Variants in NBR1 observed in about 807,000 individuals in gnomAD.
NBR1 encodes NBR1 autophagy cargo receptor.
A neutral mutation model predicts 115.5 loss-of-function variants in NBR1; 59 were observed. That is an observed-to-expected ratio of 0.51 (90% confidence interval 0.41 to 0.63). The LOEUF is 0.63. NBR1 is among the 30% of genes least tolerant of loss of function. The pLI is 0.00. For synonymous variants in NBR1, 373 were observed against 414.7 expected (o/e 0.90, Z 1.22); for missense variants, 1,043 against 1,150.5 (o/e 0.91, Z 1.35).
In NBR1 at chr17:43,189,700, C is replaced by G. The variant is rs1007192054; in HGVS notation, c.593C>G (p.Pro198Arg). The G allele has an allele frequency of 6.8e-6, 11 of 1,613,902 alleles. No homozygotes were observed. Among genetic ancestry groups the G allele is most frequent in the Non-Finnish European group, 9.3e-6 (11 of 1,179,782 alleles). ...LGSCPSEVSM[P>R]TSEETLFLPE... ...TCTTGTCCCTCAGAAGTCTCAATGC[C>G]TACTTCAGAAGAAACATTGTTTTTG... The change falls in exon 8 of 21, where the codon CCT becomes CGT. Residue 198 changes from proline to arginine, a missense_variant. Transcript: ENST00000590996.
Position 43,210,155 on chromosome 17 carries a change from TG to T in NBR1, c.*82del. 7.3e-7 allele frequency: 1 copy of T among 1,362,680 alleles called. No individual in the cohort carries two copies. The highest frequency in any genetic ancestry group is 1.0e-6 in the Non-Finnish European group (1 of 1,003,634). 84.4% of individuals were successfully genotyped at this position (1,362,680 alleles called of 1,614,324 possible). A position where few individuals can be genotyped will look rare whatever the true frequency, so the allele number is the denominator to read the frequency against. ...CATTGGGGTATGGGATAGAAGCCCTTGCTTATTTTTAATCTGATGAATCTGT... is the reference window on the plus strand; with the variant it reads ...CATTGGGGTATGGGATAGAAGCCCTTCTTATTTTTAATCTGATGAATCTGT... On this transcript the variant is annotated 3_prime_UTR_variant, in exon 21 of 21. Coordinates refer to ENST00000590996, the MANE Select transcript of NBR1 (RefSeq NM_005899.5).
chr17:43,192,605 GT>G (rs976499568), intron 10 of NBR1, among the ~76,000 whole-genome samples: 5 of 151,662 alleles, frequency 3.3e-5, no homozygotes, highest in Non-Finnish European at 7.4e-5. Context: ...TCCTGACCTC[GT>G]GATCTATCTG....
At chr17:43,187,402 G>A (rs1035591661) in intron 6 of NBR1, among the ~76,000 whole-genome samples, 4 of 151,516 alleles carry the variant, frequency 2.6e-5, no homozygotes, top group Non-Finnish European at 4.4e-5. Flanking sequence ...GGATGGTCTC[G>A]ATCTCCTGAC....
rs774169470 is a variant in NBR1 at position 43,201,798 on chromosome 17, CTT to C, written c.2563+22_2563+23del. The C allele has an allele frequency of 8.0e-7, 1 of 1,253,686 alleles. No homozygotes were observed. The highest frequency in any genetic ancestry group is 1.2e-6 in the Non-Finnish European group (1 of 854,806). 77.7% of individuals were successfully genotyped at this position (1,253,686 alleles called of 1,614,324 possible). On this transcript the variant is annotated intron_variant, in intron 18 of 20. Transcript: ENST00000590996. ...CAGAGGAGGTAATGATCAGCCTAAG[CTT>C]TTTCTCTTTTTCTCTGCTCCTGTCT...
intron 18 of NBR1, among the ~76,000 whole-genome samples, chr17:43,202,179 G>GA (rs66915634): frequency 0.57 from 66,906 of 117,912 alleles, 20,213 homozygotes; most frequent in Non-Finnish European, 0.66. Flanking sequence ...GACTCCGTCT[G>GA]AAAAAAAAAA....
At chr17:43,203,819 A>C in intron 20 of NBR1, 33 bp downstream of exon 20, 503 of 1,328,920 alleles carry the variant, frequency 3.8e-4, no homozygotes, top group Non-Finnish European at 4.7e-4. Context: ...CCTGAATCTC[A>C]ACTCCATGTC....
Position 43,186,398 on chromosome 17 carries a change from G to C in NBR1, c.356G>C (p.Arg119Thr). The C allele has an allele frequency of 6.2e-7, 1 of 1,600,450 alleles. No homozygotes were observed. Among genetic ancestry groups the C allele is most frequent in the Non-Finnish European group, 8.5e-7 (1 of 1,174,456 alleles). ...KPLAHYSSLVRVLGSDMKTPE... is the reference protein window; with the variant it reads ...KPLAHYSSLVTVLGSDMKTPE... The stretch of plus-strand genomic sequence containing the variant: ...CTTGCACATTACTCTTCACTGGTGA[G>C]AGTCTTGGGATCAGACATGAAGACC... The change falls in exon 6 of 21, where the codon AGA (arginine) becomes ACA (threonine). Residue 119 changes from arginine to threonine, a missense_variant. Coordinates refer to ENST00000590996, the MANE Select transcript of NBR1 (RefSeq NM_005899.5).
rs529431994 is a variant in NBR1, at chr17:43,180,297, G to C, written c.185-498G>C. Among the ~76,000 whole-genome samples the C allele has an allele frequency of 2.2e-3, 328 of 152,234 alleles. 1 individual carries two copies. Among genetic ancestry groups the C allele is most frequent in the South Asian group, 0.012 (56 of 4,822 alleles). On this transcript the variant is annotated intron_variant, in intron 4 of 20. Transcript: ENST00000590996. Reference sequence around the variant, plus strand: ...AGCCTAGTACACACCTAGGATATATGGTATAACCTATTGCTTATAGGCTGC... The same window carrying C: ...AGCCTAGTACACACCTAGGATATATCGTATAACCTATTGCTTATAGGCTGC...
intron 14 of NBR1, chr17:43,196,037 C>G (rs2057059971): frequency 6.5e-6 from 1 of 152,702 alleles, no homozygotes; most frequent in African/African-American, 2.4e-5. Flanking sequence ...CAGAGAGTTG[C>G]TTGAACCTGG....
chr17:43,197,655 C>T (rs1157875119), intron 16 of NBR1, among the ~76,000 whole-genome samples: 1 of 152,184 alleles, frequency 6.6e-6, no homozygotes, highest in Non-Finnish European at 1.5e-5. Flanking sequence ...AGAATTACAG[C>T]TGCATTCCAC....
At chr17:43,203,903 T>C (rs1031111526) in intron 20 of NBR1, 117 bp downstream of exon 20, 22 of 545,934 alleles carry the variant, frequency 4.0e-5, no homozygotes, top group African/African-American at 1.7e-4. Context: ...GGCTTTAGAT[T>C]TAGTCTTTAG....
intron 16 of NBR1, among the ~76,000 whole-genome samples, chr17:43,197,961 G>A (rs1400368164): frequency 6.6e-6 from 1 of 152,024 alleles, no homozygotes; most frequent in Non-Finnish European, 1.5e-5. Flanking sequence ...AGACCAGCCT[G>A]ACCGACATGG....
At chr17:43,185,107 A>C (rs907131803) in intron 5 of NBR1, among the ~76,000 whole-genome samples, 2 of 152,062 alleles carry the variant, frequency 1.3e-5, no homozygotes, top group African/African-American at 2.4e-5. Flanking sequence ...AAAAAAAAAA[A>C]AACAGAAAAA....
chr17:43,199,026 A>G (rs769381136), intron 16 of NBR1, among the ~76,000 whole-genome samples: 2 of 152,158 alleles, frequency 1.3e-5, no homozygotes, highest in African/African-American at 4.8e-5. Flanking sequence ...ACATAACAAA[A>G]AGGTCTGGAA....
In NBR1 at chr17:43,197,102, G is replaced by A. The variant is rs549019297; in HGVS notation, c.2022G>A (p.Leu674=). Residue 674 remains leucine (L), a synonymous_variant, in exon 16 of 21, where the codon TTG becomes TTA. Coordinates refer to ENST00000590996, the MANE Select transcript of NBR1 (RefSeq NM_005899.5). ...ACCCTCCTTGCAGACAGAAGTCCTT[G>A]CAGAGTGAGTGTCCTTGCATTTCCC... ...DHNPPCRQKS[L]QMTFALPEGP... 16 of 1,613,794 alleles carry A rather than the reference G, an allele frequency of 9.9e-6. No individual in the cohort carries two copies. In the East Asian group the frequency reaches 2.7e-4, roughly 27 times the overall value.
chr17:43,183,790 G>C (rs2056732986), intron 5 of NBR1, among the ~76,000 whole-genome samples: 1 of 151,942 alleles, frequency 6.6e-6, no homozygotes, highest in Non-Finnish European at 1.5e-5. Context: ...CACACTAATA[G>C]CTGGGATTAC....
chr17:43,187,262 G>C (rs1289348046), intron 6 of NBR1, among the ~76,000 whole-genome samples: 1 of 151,890 alleles, frequency 6.6e-6, no homozygotes, highest in Admixed American at 6.6e-5. Flanking sequence ...CTTATTGCAA[G>C]CTCTGCCTCC....
At position 43,190,718 on chromosome 17, in the gene NBR1, C is replaced by T. The variant is rs745788137; in HGVS notation, c.805C>T (p.Pro269Ser). ...LRRPVVGSSE[P>S]FCHSKYSTPR... Reference sequence around the variant, plus strand: ...GAGACCTGTTGTGGGCTCCTCTGAACCGTTCTGTCACTCAAAGTACTCTAC... The same window carrying T: ...GAGACCTGTTGTGGGCTCCTCTGAATCGTTCTGTCACTCAAAGTACTCTAC... The change falls in exon 9 of 21, where the codon CCG becomes TCG. Residue 269 changes from proline to serine, a missense_variant. Transcript: ENST00000590996. The T allele has an allele frequency of 5.5e-5, 88 of 1,613,804 alleles. No homozygotes were observed. Among genetic ancestry groups the T allele is most frequent in the Non-Finnish European group, 6.8e-5 (80 of 1,179,844 alleles).
In NBR1 at chr17:43,193,138, C is replaced by G; in HGVS notation, c.1118C>G (p.Ala373Gly). The G allele has an allele frequency of 6.2e-7, 1 of 1,613,942 alleles. No homozygotes were observed. The highest frequency in any genetic ancestry group is 8.5e-7 in the Non-Finnish European group (1 of 1,179,886). ...PCTSVMPMLS[A>G]AFVDENLPDG... ...ACCTCCGTTATGCCAATGCTCAGTGCAGCATTTGTGGATGAGAATTTGCCT... is the reference window on the plus strand; with the variant it reads ...ACCTCCGTTATGCCAATGCTCAGTGGAGCATTTGTGGATGAGAATTTGCCT... Residue 373 changes from alanine (A) to glycine (G), a missense_variant, in exon 11 of 21, where the codon GCA becomes GGA. Ala to Gly is a moderately conservative substitution (Grantham distance 60). Coordinates refer to ENST00000590996, the MANE Select transcript of NBR1 (RefSeq NM_005899.5).
Sources: allele counts gnomAD v4.1 joint callset (sites outside exome capture counted in the v4.1 genomes callset), GRCh38; gene constraint gnomAD v4.1.1; transcripts MANE v1.5; gene names NCBI Gene and HGNC (gene_info 2026-07-23, HGNC 2026-07-21).